Variants in PAX8 observed in about 807,000 individuals in gnomAD.
PAX8 encodes the protein paired box protein Pax-8.
In PAX8, 15 loss-of-function variants were observed where a neutral mutation model predicts 52.4. That is an observed-to-expected ratio of 0.29 (90% CI 0.19 to 0.44). The LOEUF is 0.44. PAX8 is among the 20% of genes least tolerant of loss of function. The pLI is 1.00. For synonymous variants in PAX8, 284 were observed against 249.7 expected, an observed-to-expected ratio of 1.14 and a Z score of -1.29; for missense variants, 554 against 602.5, an observed-to-expected ratio of 0.92 and a Z score of 0.84.
chr2:113,237,964 A>G (rs551263025), intron 7 of PAX8: 5 of 152,080 alleles, frequency 3.3e-5, no homozygotes, highest in Non-Finnish European at 7.3e-5. Flanking sequence ...GGAGGCCACC[A>G]GGGCACCATT....
At chr2:113,220,766 G>A (rs927194832) in intron 10 of PAX8, among the ~76,000 whole-genome samples, 4 of 152,196 alleles carry the variant, frequency 2.6e-5, no homozygotes, top group South Asian at 2.1e-4. Context: ...TGGGAGAGGA[G>A]GGAGAGCCCC....
At chr2:113,226,672 A>G (rs912192362) in intron 10 of PAX8, 28 of 1,043,806 alleles carry the variant, frequency 2.7e-5, no homozygotes, top group Non-Finnish European at 3.5e-6. Flanking sequence ...CGTCATCGTC[A>G]TCATCATCAT....
At chr2:113,231,702 T>G (rs1262583275) in intron 9 of PAX8, among the ~76,000 whole-genome samples, 1 of 152,206 alleles carries the variant, frequency 6.6e-6, no homozygotes, top group African/African-American at 2.4e-5. Context: ...AGGAATAATG[T>G]GGCCTCAACT....
At chr2:113,263,962 G>A (rs1419071398) in intron 2 of PAX8, among the ~76,000 whole-genome samples, 2 of 151,488 alleles carry the variant, frequency 1.3e-5, no homozygotes, top group African/African-American at 2.4e-5. Flanking sequence ...AAGAAGGAGA[G>A]GAAAAAAGAA....
intron 10 of PAX8, chr2:113,226,187 T>TA (rs1689559769): frequency 1.0e-6 from 1 of 985,148 alleles, no homozygotes; most frequent in South Asian, 4.7e-5. Context: ...TGGCAAAGAT[T>TA]AACTCCTGCC....
At chr2:113,219,209 A>G (rs947489855) in intron 11 of PAX8, among the ~76,000 whole-genome samples, 16 of 152,316 alleles carry the variant, frequency 1.1e-4, no homozygotes, top group Middle Eastern at 3.4e-3. Flanking sequence ...AACAGGGCCC[A>G]GGTCTGCCAC....
At chr2:113,224,389 A>C (rs1315588361) in intron 10 of PAX8, among the ~76,000 whole-genome samples, 1 of 152,024 alleles carries the variant, frequency 6.6e-6, no homozygotes, top group Non-Finnish European at 1.5e-5. Flanking sequence ...TCTACCAAAA[A>C]TATAAAAATT....
At chr2:113,239,621 G>A (rs1690650770) in intron 7 of PAX8, 1 of 152,266 alleles carries the variant, frequency 6.6e-6, no homozygotes, top group Non-Finnish European at 1.5e-5. Flanking sequence ...GAATGACTGG[G>A]TGAATAATGA....
chr2:113,225,819 G>T, intron 10 of PAX8: 1 of 690,366 alleles, frequency 1.4e-6, no homozygotes, highest in Admixed American at 6.3e-5. Context: ...GTTGGAAGGG[G>T]AATGGGGGGA....
chr2:113,246,756 G>T lies in PAX8; in HGVS notation c.189C>A (p.Gly63=). ...VSHGCVSKIL[G]RYYETGSIRP... Reference sequence around the variant, plus strand: ...CCTGCGGTGAATTTCGTGCTTACCTGCCAAGGATCTTGCTGACGCAGCCAT... The same window carrying T: ...CCTGCGGTGAATTTCGTGCTTACCTTCCAAGGATCTTGCTGACGCAGCCAT... The change falls in exon 3 of 12, where the codon GGC becomes GGA. Residue 63 remains glycine, a splice_region_variant and synonymous_variant. Coordinates refer to ENST00000429538, the MANE Select transcript of PAX8 (RefSeq NM_003466.4). The T allele has an allele frequency of 6.2e-7, 1 of 1,612,396 alleles. No individual in the cohort carries two copies. Among genetic ancestry groups the T allele is most frequent in the Non-Finnish European group, 8.5e-7 (1 of 1,178,900 alleles).
chr2:113,223,937 G>A (rs1360542294), intron 10 of PAX8, among the ~76,000 whole-genome samples: 1 of 152,142 alleles, frequency 6.6e-6, no homozygotes, highest in African/African-American at 2.4e-5. Context: ...TGTGAATGAT[G>A]GAAGGATTGA....
chr2:113,242,192 A>T, intron 5 of PAX8, 62 bp from the exon 6 acceptor site: 1 of 1,492,942 alleles, frequency 6.7e-7, no homozygotes. Context: ...GCCCTGGGTG[A>T]CTCTGGGGTA....
intron 2 of PAX8, among the ~76,000 whole-genome samples, chr2:113,256,149 A>C (rs1692231157): frequency 2.6e-5 from 4 of 152,216 alleles, no homozygotes; most frequent in Admixed American, 2.6e-4. Context: ...AAACCTTCCT[A>C]GGTATTTCAA....
At chr2:113,227,988 C>G (rs1398991447) in intron 9 of PAX8, among the ~76,000 whole-genome samples, 2 of 152,190 alleles carry the variant, frequency 1.3e-5, no homozygotes, top group Non-Finnish European at 2.9e-5. Context: ...TTTAGCAAAA[C>G]AGACACCAAT....
chr2:113,235,642 G>T (rs1013972637), intron 8 of PAX8, 60 bp from the exon 9 acceptor site: 43 of 1,400,300 alleles, frequency 3.1e-5, no homozygotes, highest in Admixed American at 7.7e-5. Flanking sequence ...GAGGGAACAC[G>T]CACAAGCCAA....
Position 113,217,456 on chromosome 2 carries a change from G to C in PAX8, c.*1077C>G, listed in dbSNP as rs186890770. ...GGAGAGAAGCCCCACAGGGCAAAGA[G>C]AGACATTTCACTCAGAGGCCAAAGT... is the stretch of plus-strand genomic sequence containing the variant. On this transcript the variant is annotated 3_prime_UTR_variant, in exon 12 of 12. Coordinates refer to ENST00000429538, the MANE Select transcript of PAX8 (RefSeq NM_003466.4). 4.4e-6 allele frequency: 1 copy of C among 229,210 alleles called. No homozygotes were observed. Among genetic ancestry groups the C allele is most frequent in the Non-Finnish European group, 8.7e-6 (1 of 115,448 alleles). The allele number at this position is 229,210 out of a possible 1,614,324, so 14.2% of individuals were successfully genotyped here.
chr2:113,216,647 G>T lies in PAX8; in HGVS notation c.*1886C>A, dbSNP rs1573391751. 4.0e-5 allele frequency: 9 copies of T among 226,836 alleles called. No individual in the cohort carries two copies. The highest frequency in any genetic ancestry group is 7.9e-5 in the Non-Finnish European group (9 of 113,976). 14.1% of individuals were successfully genotyped at this position (226,836 alleles called of 1,614,324 possible). On this transcript the variant is annotated 3_prime_UTR_variant, in exon 12 of 12. Coordinates refer to ENST00000429538, the MANE Select transcript of PAX8 (RefSeq NM_003466.4). The stretch of plus-strand genomic sequence containing the variant: ...AAGTCTCTACAGCCTCCCTCACCTT[G>T]TCCTGGCCACACTACACTCTACCTC...
intron 9 of PAX8, among the ~76,000 whole-genome samples, chr2:113,232,752 C>A (rs1248990754): frequency 6.6e-6 from 1 of 152,112 alleles, no homozygotes; most frequent in Non-Finnish European, 1.5e-5. Flanking sequence ...TTGCCCTGGG[C>A]TGTTCCAGTT....
chr2:113,224,821 A>C (rs77807006), intron 10 of PAX8, among the ~76,000 whole-genome samples: 1 of 143,138 alleles, frequency 7.0e-6, no homozygotes, highest in African/African-American at 2.7e-5. Context: ...TAAAATAAAA[A>C]AATAAAATAA....
Sources: allele counts gnomAD v4.1 joint callset (sites outside exome capture counted in the v4.1 genomes callset), GRCh38; gene constraint gnomAD v4.1.1; transcripts MANE v1.5; gene names NCBI Gene and HGNC (gene_info 2026-07-23, HGNC 2026-07-21).